The following PALM2AKAP2 variants were observed in gnomAD, a reference collection of about 807,000 sequenced individuals.
PALM2AKAP2 encodes the protein PALM2 and AKAP2 fusion, also known as PALM2-AKAP2 fusion protein.
PALM2AKAP2 carries 37 observed loss-of-function variants against 71.5 expected under a neutral mutation model. That is an observed-to-expected ratio of 0.52 (90% CI 0.40 to 0.68). PALM2AKAP2 has a LOEUF of 0.68. PALM2AKAP2 is among the 30% of genes least tolerant of loss of function. The pLI, the probability that PALM2AKAP2 is intolerant of heterozygous loss-of-function variation, is 0.00. For synonymous variants in PALM2AKAP2, 468 were observed against 478.8 expected, an observed-to-expected ratio of 0.98 and a Z score of 0.29; for missense variants, 1,224 against 1,191.8, an observed-to-expected ratio of 1.03 and a Z score of -0.40.
At chr9:109,767,991 G>GGAA (rs1829184907) in intron 1 of PALM2AKAP2, among the ~76,000 whole-genome samples, 2 of 69,626 alleles carry the variant, frequency 2.9e-5, no homozygotes, top group South Asian at 4.8e-4. Context: ...GAAGGAAGGA[G>GGAA]GGAGCAAAGG....
intron 1 of PALM2AKAP2, among the ~76,000 whole-genome samples, chr9:110,105,538 G>C (rs912388275): frequency 5.9e-5 from 9 of 152,176 alleles, no homozygotes; most frequent in Admixed American, 3.9e-4. Context: ...TATGTCATTA[G>C]AAATAATTAG....
chr9:109,800,226 A>G (rs1312354011), intron 1 of PALM2AKAP2, among the ~76,000 whole-genome samples: 2 of 152,256 alleles, frequency 1.3e-5, no homozygotes, highest in African/African-American at 4.8e-5. Flanking sequence ...AGGCATTTAT[A>G]TTTAAGAACT....
intron 2 of PALM2AKAP2, among the ~76,000 whole-genome samples, chr9:110,139,350 C>T (rs368545735): frequency 5.9e-5 from 9 of 152,160 alleles, no homozygotes; most frequent in African/African-American, 1.9e-4. Flanking sequence ...CAGGGATCCA[C>T]AGATCTTCAG....
chr9:109,914,698 AG>A (rs1830644995), intron 3 of PALM2AKAP2, among the ~76,000 whole-genome samples: 1 of 152,210 alleles, frequency 6.6e-6, no homozygotes, highest in Non-Finnish European at 1.5e-5. Context: ...TTATTCGGAG[AG>A]TAGTTACTGA....
chr9:109,695,615 A>C (rs916247947), intron 1 of PALM2AKAP2, among the ~76,000 whole-genome samples: 1 of 152,160 alleles, frequency 6.6e-6, no homozygotes, highest in Non-Finnish European at 1.5e-5. Context: ...ATGTCTATTC[A>C]GGTTTTCCCA....
intron 1 of PALM2AKAP2, among the ~76,000 whole-genome samples, chr9:109,667,410 G>T (rs77729290): frequency 0.027 from 1,845 of 67,986 alleles, 34 homozygotes; most frequent in African/African-American, 0.096. Context: ...ACAGACCTAG[G>T]CCCGAAGATC....
At position 110,043,446 on chromosome 9, in the gene PALM2AKAP2, C is replaced by A. The variant is rs182713200; in HGVS notation, c.582+27407C>A. Among the ~76,000 whole-genome samples the A allele has an allele frequency of 9.9e-5, 15 of 152,226 alleles. 1 individual carries two copies. The highest frequency in any genetic ancestry group is 9.2e-4 in the Admixed American group (14 of 15,290). The stretch of plus-strand genomic sequence containing the variant: ...GCAGGTGCAAGTGTATAAACATTTT[C>A]TATCTCTAGAGTTATCACCAAATTA... On this transcript the variant is annotated intron_variant, in intron 7 of 9. Transcript: ENST00000302798.
upstream of PALM2AKAP2, among the ~76,000 whole-genome samples, chr9:110,048,251 G>T (rs1215752513): frequency 6.6e-6 from 1 of 152,140 alleles, no homozygotes; most frequent in Admixed American, 6.5e-5. Context: ...GAACTCAGCG[G>T]CTCCTGGCAT....
intron 1 of PALM2AKAP2, among the ~76,000 whole-genome samples, chr9:109,645,610 A>T (rs1827140014): frequency 6.6e-6 from 1 of 152,066 alleles, no homozygotes. Context: ...AGCAATGTGG[A>T]TGGAGCTGGA....
intron 1 of PALM2AKAP2, among the ~76,000 whole-genome samples, chr9:109,667,560 C>A (rs1827505968): frequency 6.6e-6 from 1 of 152,106 alleles, no homozygotes; most frequent in South Asian, 2.1e-4. Context: ...GAGGTCAAGG[C>A]AGGTGTATCA....
intron 6 of PALM2AKAP2, among the ~76,000 whole-genome samples, chr9:109,971,689 G>C (rs1210567984): frequency 6.6e-6 from 1 of 152,138 alleles, no homozygotes; most frequent in African/African-American, 2.4e-5. Flanking sequence ...GCCTCCCAGA[G>C]TGCTGGGATT....
chr9:109,801,033 T>C (rs536174105), intron 1 of PALM2AKAP2, among the ~76,000 whole-genome samples: 16 of 152,276 alleles, frequency 1.1e-4, no homozygotes, highest in African/African-American at 3.1e-4. Context: ...TAATTACAAC[T>C]GGATGGTGAG....
At chr9:110,104,162 C>A (rs1835061830) in intron 1 of PALM2AKAP2, among the ~76,000 whole-genome samples, 1 of 113,588 alleles carries the variant, frequency 8.8e-6, no homozygotes, top group Non-Finnish European at 1.6e-5. Flanking sequence ...AGGAAACTTA[C>A]AAGATTTCTG....
intron 1 of PALM2AKAP2, among the ~76,000 whole-genome samples, chr9:109,839,119 C>T (rs537773896): frequency 9.9e-5 from 15 of 152,192 alleles, no homozygotes; most frequent in South Asian, 4.1e-4. Flanking sequence ...TGATGAACAT[C>T]GATGCAAAAA....
Position 110,103,856 on chromosome 9 carries a change from C to A in PALM2AKAP2, c.157-32271C>A, listed in dbSNP as rs757129420. Among the ~76,000 whole-genome samples, 12 of 152,350 alleles carry A rather than the reference C, an allele frequency of 7.9e-5. No individual in the cohort carries two copies. In the East Asian group the frequency reaches 1.4e-3, roughly 17 times the overall value. ...GAGCCTCTTTGAACAGAGAGAAATTCTTTGCTATGTTGGCAAAAGATCCTT... is the reference window on the plus strand; with the variant it reads ...GAGCCTCTTTGAACAGAGAGAAATTATTTGCTATGTTGGCAAAAGATCCTT... On this transcript the variant is annotated intron_variant, in intron 1 of 3. Coordinates refer to ENST00000374525, the Ensembl canonical transcript of PALM2AKAP2.
intron 1 of PALM2AKAP2, among the ~76,000 whole-genome samples, chr9:110,050,630 T>TTTTCTTTTCTTTTCTTTTC (rs1564279279): frequency 1.3e-5 from 2 of 150,596 alleles, no homozygotes; most frequent in African/African-American, 5.0e-5. Flanking sequence ...CTTTTCTTTT[T>TTTTCTTTTCTTTTCTTTTC]TTTTCTTTTC....
chr9:110,044,724 C>A (rs1344515190), upstream of PALM2AKAP2, among the ~76,000 whole-genome samples: 1 of 151,182 alleles, frequency 6.6e-6, no homozygotes, highest in South Asian at 2.1e-4. Context: ...ATATTTAGCA[C>A]TTGTGAATTA....
At chr9:109,973,527 C>G (rs1832111350) in intron 6 of PALM2AKAP2, among the ~76,000 whole-genome samples, 1 of 152,150 alleles carries the variant, frequency 6.6e-6, no homozygotes, top group African/African-American at 2.4e-5. Context: ...TTCCATTGGC[C>G]AAGGCAAGTC....
At chr9:109,909,855 CT>C (rs1429970005) in intron 3 of PALM2AKAP2, among the ~76,000 whole-genome samples, 2 of 152,150 alleles carry the variant, frequency 1.3e-5, no homozygotes, top group East Asian at 3.9e-4. Context: ...ACAAGGAAAT[CT>C]TCATTTCTGC....
Sources: allele counts gnomAD v4.1 joint callset (sites outside exome capture counted in the v4.1 genomes callset), GRCh38; gene constraint gnomAD v4.1.1; transcripts MANE v1.5; gene names NCBI Gene and HGNC (gene_info 2026-07-23, HGNC 2026-07-21).